LHFPL3: variants seen among roughly 807,000 people sequenced by gnomAD.
The protein encoded by LHFPL3 is LHFPL tetraspan subfamily member 3.
Under a neutral mutation model 19.3 loss-of-function variants are expected in LHFPL3, and 5 were observed. The ratio of observed to expected loss-of-function variants is 0.26; its 90% CI spans 0.14 to 0.54. The LOEUF is 0.54. LHFPL3 is among the 20% of genes least tolerant of loss of function. The pLI is 0.94. For synonymous variants in LHFPL3, 133 were observed against 126.2 expected (o/e 1.05, Z -0.36); for missense variants, 249 against 307.4 (o/e 0.81, Z 1.42).
chr7:104,866,488 C>A (rs535260737), intron 2 of LHFPL3, among the ~76,000 whole-genome samples: 111 of 152,278 alleles, frequency 7.3e-4, no homozygotes, highest in Middle Eastern at 3.4e-3. Flanking sequence ...AAGGCCATTA[C>A]ATAATGGTAA....
At position 104,844,640 on chromosome 7, in the gene LHFPL3, A is replaced by G. The variant is rs753913276; in HGVS notation, c.683-61547A>G. On this transcript the variant is annotated intron_variant, in intron 2 of 2. Transcript: ENST00000424859. The stretch of plus-strand genomic sequence containing the variant: ...TGGGTGGTATTGCCTGAGGAAACCA[A>G]AGATAAAATAAAAACAACAATGATG... Among the ~76,000 whole-genome samples the G allele has an allele frequency of 1.1e-4, 16 of 152,336 alleles. 1 individual carries two copies. The highest frequency in any genetic ancestry group is 8.3e-4 in the South Asian group (4 of 4,832).
intron 2 of LHFPL3, among the ~76,000 whole-genome samples, chr7:104,778,088 AC>A (rs1794661144): frequency 6.6e-6 from 1 of 152,198 alleles, no homozygotes; most frequent in Non-Finnish European, 1.5e-5. Flanking sequence ...GAAGAAGTAG[AC>A]CCAGGTCCTA....
At chr7:104,559,243 G>A (rs1268010123) in intron 1 of LHFPL3, among the ~76,000 whole-genome samples, 3 of 134,628 alleles carry the variant, frequency 2.2e-5, no homozygotes, top group Non-Finnish European at 3.2e-5. Flanking sequence ...TGATGGGGAT[G>A]GCATTGAATC....
chr7:104,512,992 T>A (rs916080047), intron 1 of LHFPL3, among the ~76,000 whole-genome samples: 2 of 152,188 alleles, frequency 1.3e-5, no homozygotes, highest in African/African-American at 4.8e-5. Context: ...ATTTGACATC[T>A]ATGGATATAG....
At chr7:104,894,116 C>T (rs1030093731) in intron 2 of LHFPL3, among the ~76,000 whole-genome samples, 3 of 152,138 alleles carry the variant, frequency 2.0e-5, no homozygotes, top group African/African-American at 7.2e-5. Context: ...AAACACCCAA[C>T]AAACAGCAGA....
chr7:104,505,225 A>C (rs1163450103), intron 1 of LHFPL3, among the ~76,000 whole-genome samples: 1 of 152,202 alleles, frequency 6.6e-6, no homozygotes, highest in African/African-American at 2.4e-5. Context: ...TCATATAACC[A>C]GTGGAATTTT....
chr7:104,508,307 C>T (rs1481453998), intron 1 of LHFPL3, among the ~76,000 whole-genome samples: 72 of 148,550 alleles, frequency 4.8e-4, no homozygotes, highest in African/African-American at 9.2e-4. Context: ...ATGTCCTTTG[C>T]AGGGACATGG....
intron 1 of LHFPL3, among the ~76,000 whole-genome samples, chr7:104,699,814 C>T (rs891660701): frequency 2.0e-5 from 3 of 152,170 alleles, no homozygotes; most frequent in African/African-American, 4.8e-5. Flanking sequence ...TTGGTTTACA[C>T]GCTGACATCA....
chr7:104,822,304 A>G (rs909954179), intron 2 of LHFPL3, among the ~76,000 whole-genome samples: 3 of 152,230 alleles, frequency 2.0e-5, no homozygotes, highest in Non-Finnish European at 4.4e-5. Context: ...TCTTGGTCCA[A>G]GTAGATATTT....
intron 1 of LHFPL3, chr7:104,668,539 G>T: frequency 1.9e-6 from 3 of 1,613,206 alleles, no homozygotes; most frequent in Non-Finnish European, 2.5e-6. Flanking sequence ...GACTATGATA[G>T]AGGCTATGAT....
At chr7:104,792,216 G>A (rs568836219) in intron 2 of LHFPL3, among the ~76,000 whole-genome samples, 44 of 152,230 alleles carry the variant, frequency 2.9e-4, no homozygotes, top group Middle Eastern at 3.4e-3. Context: ...TCAGGAAGCC[G>A]TCTTGGGAGG....
At chr7:104,524,661 A>G (rs956898018) in intron 1 of LHFPL3, among the ~76,000 whole-genome samples, 1 of 152,190 alleles carries the variant, frequency 6.6e-6, no homozygotes, top group African/African-American at 2.4e-5. Flanking sequence ...TATCCACAAA[A>G]AAGAAGTGTG....
chr7:104,446,411 G>T (rs1055780073), intron 1 of LHFPL3, among the ~76,000 whole-genome samples: 1 of 152,090 alleles, frequency 6.6e-6, no homozygotes, highest in Non-Finnish European at 1.5e-5. Flanking sequence ...CCAAGTTGTA[G>T]TCACCATGTT....
intron 1 of LHFPL3, among the ~76,000 whole-genome samples, chr7:104,702,329 C>T: frequency 6.6e-6 from 1 of 152,292 alleles, no homozygotes; most frequent in East Asian, 1.9e-4. Flanking sequence ...CTCTTCTCTG[C>T]ATTATTTTGG....
chr7:104,825,178 C>G (rs1248598195), intron 2 of LHFPL3, among the ~76,000 whole-genome samples: 1 of 151,572 alleles, frequency 6.6e-6, no homozygotes, highest in Non-Finnish European at 1.5e-5. Flanking sequence ...ATAGAAGGAA[C>G]TGGGACTGAG....
At chr7:104,565,352 G>A (rs576874690) in intron 1 of LHFPL3, among the ~76,000 whole-genome samples, 36 of 152,318 alleles carry the variant, frequency 2.4e-4, no homozygotes, top group African/African-American at 8.7e-4. Flanking sequence ...GTACATTTAA[G>A]ATGCTAATGC....
intron 1 of LHFPL3, among the ~76,000 whole-genome samples, chr7:104,650,573 A>T (rs1449880571): frequency 6.6e-6 from 1 of 152,228 alleles, no homozygotes; most frequent in Non-Finnish European, 1.5e-5. Flanking sequence ...AGATTACTGC[A>T]TTCCTTGATG....
intron 1 of LHFPL3, among the ~76,000 whole-genome samples, chr7:104,617,231 G>A (rs1010863169): frequency 2.6e-5 from 4 of 151,844 alleles, no homozygotes; most frequent in South Asian, 2.1e-4. Flanking sequence ...ATTATGAATC[G>A]AATATGAAGC....
intron 2 of LHFPL3, among the ~76,000 whole-genome samples, chr7:104,901,393 G>GT (rs1448211074): frequency 6.6e-6 from 1 of 152,136 alleles, no homozygotes; most frequent in Non-Finnish European, 1.5e-5. Flanking sequence ...TTTCTGTTGC[G>GT]TGGTGGTGTC....
Sources: allele counts gnomAD v4.1 joint callset (sites outside exome capture counted in the v4.1 genomes callset), GRCh38; gene constraint gnomAD v4.1.1; transcripts MANE v1.5; gene names NCBI Gene and HGNC (gene_info 2026-07-23, HGNC 2026-07-21).